DOK6: variants seen among roughly 807,000 people sequenced by gnomAD.
The protein encoded by DOK6 is downstream of tyrosine kinase 6.
A neutral mutation model predicts 44.0 loss-of-function variants in DOK6; 22 were observed. The observed-to-expected ratio is 0.50, with a 90% CI of 0.36 to 0.71. The LOEUF is 0.71. Among genes scored for constraint, DOK6 ranks in the 30% least tolerant of loss-of-function variants. DOK6 has a pLI of 0.00. For synonymous variants in DOK6, 166 were observed against 145.5 expected (o/e 1.14, Z -1.01); for missense variants, 340 against 416.4 (o/e 0.82, Z 1.60).
intron 4 of DOK6, among the ~76,000 whole-genome samples, chr18:69,696,659 A>C (rs1568336512): frequency 6.6e-6 from 1 of 152,220 alleles, no homozygotes; most frequent in African/African-American, 2.4e-5. Context: ...AAAGAAGAGA[A>C]GATTGATGTT....
chr18:69,599,350 T>C, intron 2 of DOK6, 34 bp from the exon 3 acceptor site: 1 of 1,511,306 alleles, frequency 6.6e-7, no homozygotes, highest in Non-Finnish European at 9.1e-7. Context: ...GCATACATAC[T>C]GTACACTAAG....
chr18:69,517,914 C>T (rs1303205802), intron 1 of DOK6, among the ~76,000 whole-genome samples: 3 of 152,086 alleles, frequency 2.0e-5, no homozygotes, highest in Admixed American at 1.3e-4. Flanking sequence ...TCTACATCAA[C>T]TTTCACACAT....
chr18:69,565,517 GTGTGTATA>G (rs1400591180), intron 2 of DOK6, among the ~76,000 whole-genome samples: 6 of 7,680 alleles, frequency 7.8e-4, no homozygotes, highest in South Asian at 9.6e-3. Context: ...GTGTGTGTGT[GTGTGTATA>G]TATATATACA....
intron 1 of DOK6, among the ~76,000 whole-genome samples, chr18:69,494,936 G>A (rs910058496): frequency 1.3e-5 from 2 of 152,144 alleles, no homozygotes; most frequent in African/African-American, 4.8e-5. Flanking sequence ...GGCTCTACTC[G>A]GCTCACACTA....
intron 1 of DOK6, among the ~76,000 whole-genome samples, chr18:69,459,912 G>A (rs543902795): frequency 1.3e-5 from 2 of 152,216 alleles, no homozygotes; most frequent in African/African-American, 2.4e-5. Flanking sequence ...CCTTCTTATT[G>A]TGTTATTTGT....
chr18:69,704,624 G>T (rs559323415), intron 5 of DOK6, among the ~76,000 whole-genome samples: 1 of 151,808 alleles, frequency 6.6e-6, no homozygotes, highest in Non-Finnish European at 1.5e-5. Flanking sequence ...GACTACAGGC[G>T]CCCGCCACCA....
intron 7 of DOK6, among the ~76,000 whole-genome samples, chr18:69,826,648 G>A (rs10513979): frequency 0.26 from 39,223 of 151,912 alleles, 5,102 homozygotes; most frequent in Non-Finnish European, 0.27. Flanking sequence ...TATTGGGATG[G>A]TTACAATACT....
At chr18:69,426,914 G>A (rs1453023751) in intron 1 of DOK6, among the ~76,000 whole-genome samples, 1 of 151,988 alleles carries the variant, frequency 6.6e-6, no homozygotes. Flanking sequence ...TGTAATGGGG[G>A]CTTGTTTTAC....
chr18:69,709,235 G>T (rs1388070432), intron 5 of DOK6, among the ~76,000 whole-genome samples: 1 of 152,118 alleles, frequency 6.6e-6, no homozygotes, highest in Non-Finnish European at 1.5e-5. Flanking sequence ...CACAACTTGT[G>T]AGGCTTGAAA....
chr18:69,460,087 A>C (rs4545911), intron 1 of DOK6, among the ~76,000 whole-genome samples: 120,502 of 151,686 alleles, frequency 0.79, 48,121 homozygotes, highest in East Asian at 1. Context: ...TTGCCATTTC[A>C]TTGTTAGTTT....
At position 69,424,520 on chromosome 18, in the gene DOK6, C is replaced by T. The variant is rs370182608; in HGVS notation, c.66+23210C>T. On this transcript the variant is annotated intron_variant, in intron 1 of 7. Transcript: ENST00000382713. The stretch of plus-strand genomic sequence containing the variant: ...AATATTAGTTATTTACAGTTATACA[C>T]AATACAGTTGTCTTATGTTATAGCT... 9.2e-5 allele frequency among the ~76,000 whole-genome samples: 14 copies of T among 152,272 alleles called. No homozygotes were observed. The East Asian group carries it at 1.3e-3, about 15-fold the overall frequency.
chr18:69,764,145 A>T (rs1469680108), intron 7 of DOK6, among the ~76,000 whole-genome samples: 1 of 152,188 alleles, frequency 6.6e-6, no homozygotes, highest in African/African-American at 2.4e-5. Context: ...GTGAAATGCT[A>T]GATCTGCCCC....
At chr18:69,472,999 C>A (rs1282779131) in intron 1 of DOK6, among the ~76,000 whole-genome samples, 1 of 152,128 alleles carries the variant, frequency 6.6e-6, no homozygotes, top group African/African-American at 2.4e-5. Flanking sequence ...TGTTTCATAG[C>A]AGTGCTAATA....
intron 3 of DOK6, among the ~76,000 whole-genome samples, chr18:69,642,792 A>G (rs929610507): frequency 1.3e-5 from 2 of 152,202 alleles, no homozygotes; most frequent in African/African-American, 4.8e-5. Flanking sequence ...GGGCAATGAT[A>G]GTTTTAGCTA....
chr18:69,444,722 C>T (rs1979233339), intron 1 of DOK6, among the ~76,000 whole-genome samples: 1 of 150,312 alleles, frequency 6.7e-6, no homozygotes, highest in Non-Finnish European at 1.5e-5. Context: ...CAGCTCACTG[C>T]AACCTCCGCC....
intron 2 of DOK6, among the ~76,000 whole-genome samples, chr18:69,591,473 G>A (rs964259483): frequency 1.3e-5 from 2 of 152,118 alleles, no homozygotes; most frequent in African/African-American, 2.4e-5. Flanking sequence ...ACAACTGAGT[G>A]CTTACTGAAA....
chr18:69,509,888 C>T (rs1350058993), intron 1 of DOK6, among the ~76,000 whole-genome samples: 1 of 152,112 alleles, frequency 6.6e-6, no homozygotes, highest in Non-Finnish European at 1.5e-5. Context: ...TATGCAAGAG[C>T]AAATGGATGT....
intron 7 of DOK6, among the ~76,000 whole-genome samples, chr18:69,760,198 G>GT (rs942750242): frequency 1.1e-4 from 16 of 152,232 alleles, no homozygotes; most frequent in African/African-American, 3.9e-4. Flanking sequence ...AGCCTCAGTA[G>GT]TTTTTTTACT....
chr18:69,686,734 C>T lies in DOK6; in HGVS notation c.409+8881C>T, dbSNP rs1391182270. ...GAAACAGGAACCACATATAATAAAA[C>T]AAGATAATATAAGACACTAGCTTTA... On this transcript the variant is annotated intron_variant, in intron 4 of 7. Coordinates refer to ENST00000382713, the MANE Select transcript of DOK6 (RefSeq NM_152721.6). 8.9e-5 allele frequency among the ~76,000 whole-genome samples: 13 copies of T among 145,822 alleles called. No homozygotes were observed. In the East Asian group the frequency reaches 2.7e-3, roughly 30 times the overall value.
Sources: gnomAD v4.1 joint callset for allele counts (sites outside exome capture counted in the v4.1 genomes callset) on GRCh38, gnomAD v4.1.1 for gene constraint, MANE v1.5 for transcripts, NCBI Gene and HGNC (gene_info 2026-07-23, HGNC 2026-07-21) for gene names.